Variants in MCM8 observed in about 807,000 individuals in gnomAD.
The protein encoded by MCM8 is DNA helicase MCM8.
In MCM8, 85 loss-of-function variants were observed where a neutral mutation model predicts 98.9. The observed-to-expected ratio is 0.86, with a 90% CI of 0.72 to 1.03. The LOEUF is 1.03. MCM8 is among the 50% of genes least tolerant of loss of function. MCM8 has a pLI of 0.00. For missense variants in MCM8, 951 were observed against 997.8 expected (o/e 0.95, Z 0.63); for synonymous variants, 352 against 338.6 (o/e 1.04, Z -0.44).
In MCM8 at chr20:5,973,105, A is replaced by G; in HGVS notation, c.1304A>G (p.Tyr435Cys). Residue 435 changes from tyrosine (Y) to cysteine (C), a missense_variant, in exon 12 of 19, where the codon TAC becomes TGC. By Grantham distance (194) the Tyr-to-Cys change is radical. Coordinates refer to ENST00000610722, the MANE Select transcript of MCM8 (RefSeq NM_032485.6). ...ALALFGGSQK[Y>C]ADDKNRIPIR... ...GCACTCTTTGGAGGAAGCCAGAAAT[A>G]CGCAGATGACAAAAACAGAATTCCA... 6.2e-7 allele frequency: 1 copy of G among 1,614,236 alleles called. No homozygotes were observed. Among genetic ancestry groups the G allele is most frequent in the Non-Finnish European group, 8.5e-7 (1 of 1,180,032 alleles).
At chr20:5,974,671 C>T (rs1186812330) in intron 12 of MCM8, among the ~76,000 whole-genome samples, 1 of 152,186 alleles carries the variant, frequency 6.6e-6, no homozygotes, top group African/African-American at 2.4e-5. Context: ...GTACAACAGT[C>T]CACAGATGAT....
At chr20:5,966,666 C>G (rs573081687) in intron 8 of MCM8, among the ~76,000 whole-genome samples, 1 of 152,230 alleles carries the variant, frequency 6.6e-6, no homozygotes, top group South Asian at 2.1e-4. Flanking sequence ...GTAGTTTTTT[C>G]TCACAAGACT....
intron 3 of MCM8, 33 bp from the exon 4 acceptor site, chr20:5,954,575 T>G (rs561848316): frequency 8.0e-7 from 1 of 1,253,322 alleles, no homozygotes; most frequent in East Asian, 2.3e-5. Context: ...ACCTGTGTGA[T>G]TATTTGTGCT....
At chr20:5,951,548 A>G (rs2088823929) in intron 1 of MCM8, among the ~76,000 whole-genome samples, 1 of 152,212 alleles carries the variant, frequency 6.6e-6, no homozygotes, top group South Asian at 2.1e-4. Flanking sequence ...CAAAAAATGG[A>G]TGTGACACTG....
intron 17 of MCM8, chr20:5,991,059 C>G (rs1339840231): frequency 6.6e-6 from 1 of 152,202 alleles, no homozygotes; most frequent in Non-Finnish European, 1.5e-5. Context: ...TGCTCCTTTT[C>G]TCTCTTAACC....
rs2089938862 is a variant in MCM8 at position 5,995,120 on chromosome 20, A to T, written c.*729A>T. On this transcript the variant is annotated 3_prime_UTR_variant, in exon 19 of 19. Transcript: ENST00000610722. ...GAATATATTACATATTCTGTGTTCC[A>T]ATAAAACTTTATTTATGGACACTAA... The T allele has an allele frequency of 6.6e-6, 1 of 152,470 alleles. No individual in the cohort carries two copies. 9.4% of individuals were successfully genotyped at this position (152,470 alleles called of 1,614,324 possible). A position where few individuals can be genotyped will look rare whatever the true frequency, so the allele number is the denominator to read the frequency against.
intron 8 of MCM8, 118 bp downstream of exon 8, chr20:5,963,477 G>T: frequency 1.6e-5 from 8 of 495,982 alleles, no homozygotes; most frequent in East Asian, 4.0e-5. Context: ...GTATAATAGT[G>T]TATAATAGAT....
intron 10 of MCM8, 130 bp from the exon 11 acceptor site, chr20:5,971,877 G>C: frequency 1.5e-6 from 1 of 674,590 alleles, no homozygotes; most frequent in South Asian, 2.1e-5. Context: ...TAAAATTTCA[G>C]TTGAGGGGAT....
Position 5,984,903 on chromosome 20 carries a change from C to T in MCM8, c.1856C>T (p.Thr619Ile), listed in dbSNP as rs143580579. 1.9e-4 allele frequency: 308 copies of T among 1,614,062 alleles called. No homozygotes were observed. The highest frequency in any genetic ancestry group is 2.5e-4 in the Non-Finnish European group (293 of 1,179,990). The change falls in exon 15 of 19, where the codon ACC (threonine) becomes ATC (isoleucine). Residue 619 changes from threonine (T) to isoleucine (I), a missense_variant. Transcript: ENST00000610722. Reference protein sequence around the residue: ...VIAIRAGKQRTISSATVARMN... With the variant: ...VIAIRAGKQRIISSATVARMN... ...GCAATAAGAGCTGGAAAGCAGAGAA[C>T]CATTAGCAGTGCCACAGTAGCTCGT...
At chr20:5,952,638 A>G (rs2088864115) in intron 3 of MCM8, 110 bp downstream of exon 3, 2 of 869,162 alleles carry the variant, frequency 2.3e-6, no homozygotes, top group Non-Finnish European at 1.8e-6. Context: ...TACCTGCTTT[A>G]ATCTTAGTTC....
chr20:5,950,824 G>T lies in MCM8; in HGVS notation c.-205G>T, dbSNP rs113221796. 1.0e-3 allele frequency: 154 copies of T among 154,768 alleles called. No individual in the cohort carries two copies. The highest frequency in any genetic ancestry group is 3.7e-3 in the African/African-American group (152 of 41,642). 9.6% of individuals were successfully genotyped at this position (154,768 alleles called of 1,614,324 possible). A position where few individuals can be genotyped will look rare whatever the true frequency, so the allele number is the denominator to read the frequency against. ...CAGATGGGGTTCAGCACCGCGCGGGGACGACAGGAAAGCTGCGGCTGAAGA... is the reference window on the plus strand; with the variant it reads ...CAGATGGGGTTCAGCACCGCGCGGGTACGACAGGAAAGCTGCGGCTGAAGA... On this transcript the variant is annotated 5_prime_UTR_variant, in exon 1 of 19. Coordinates refer to ENST00000610722, the MANE Select transcript of MCM8 (RefSeq NM_032485.6).
intron 9 of MCM8, 55 bp downstream of exon 9, chr20:5,967,642 A>G: frequency 6.5e-7 from 1 of 1,548,366 alleles, no homozygotes; most frequent in Admixed American, 1.9e-5. Flanking sequence ...ATCAACGTTC[A>G]TCTTTTCTAA....
At position 5,994,675 on chromosome 20, in the gene MCM8, G is replaced by A; in HGVS notation, c.*284G>A. ...GTGACTCAGGAGGCTGAGGTGAGAG[G>A]ATTCCTTGAGGCCAGGGTTCGAGAC... On this transcript the variant is annotated 3_prime_UTR_variant, in exon 19 of 19. Transcript: ENST00000610722. The A allele has an allele frequency of 2.1e-6, 1 of 475,132 alleles. No individual in the cohort carries two copies. The highest frequency in any genetic ancestry group is 1.7e-5 in the South Asian group (1 of 58,794). The allele number at this position is 475,132 out of a possible 1,614,324, so 29.4% of individuals were successfully genotyped here. A position where few individuals can be genotyped will look rare whatever the true frequency, so the allele number is the denominator to read the frequency against.
At chr20:5,985,460 G>A (rs962304358) in intron 15 of MCM8, among the ~76,000 whole-genome samples, 3 of 147,446 alleles carry the variant, frequency 2.0e-5, no homozygotes, top group Admixed American at 2.0e-4. Flanking sequence ...AAAAAAAAAG[G>A]AATCTAAGTC....
In MCM8 at chr20:5,977,861, T is replaced by C. The variant is rs776226946; in HGVS notation, c.1396-15T>C. On this transcript the variant is annotated splice_polypyrimidine_tract_variant and intron_variant, in intron 12 of 18. Transcript: ENST00000610722. ...TTTACTTTGGATGATTCTCTTAAAC[T>C]TTTTGTTTCCTTAGGCAGCGTGCAA... 1 of 1,611,984 alleles carries C rather than the reference T, an allele frequency of 6.2e-7. No individual in the cohort carries two copies. The highest frequency in any genetic ancestry group is 1.7e-5 in the Admixed American group (1 of 59,702).
At chr20:5,963,650 C>T (rs1272642258) in intron 8 of MCM8, among the ~76,000 whole-genome samples, 5 of 151,566 alleles carry the variant, frequency 3.3e-5, no homozygotes, top group Admixed American at 6.6e-5. Context: ...GCCTCAGCCT[C>T]CTGAGTAGCT....
intron 13 of MCM8, among the ~76,000 whole-genome samples, chr20:5,978,325 AT>A (rs11476344): frequency 0.39 from 59,945 of 151,944 alleles, 14,172 homozygotes; most frequent in Non-Finnish European, 0.51. Flanking sequence ...ATTTGTGATC[AT>A]TTTTTTTAAA....
rs948773348 is a variant in MCM8, at chr20:5,996,481, A to T, written c.*2090A>T. 3 of 152,138 alleles carry T rather than the reference A, an allele frequency of 2.0e-5. No individual in the cohort carries two copies. The highest frequency in any genetic ancestry group is 7.2e-5 in the African/African-American group (3 of 41,410). The allele number at this position is 152,138 out of a possible 1,614,324, so 9.4% of individuals were successfully genotyped here. ...CAGTGAGCCAAGATCGTACCACTGCACTCCAGCCTGGGCAACAGAGTGAGA... is the reference window on the plus strand; with the variant it reads ...CAGTGAGCCAAGATCGTACCACTGCTCTCCAGCCTGGGCAACAGAGTGAGA... On this transcript the variant is annotated 3_prime_UTR_variant, in exon 19 of 19. Transcript: ENST00000610722.
intron 8 of MCM8, among the ~76,000 whole-genome samples, chr20:5,966,638 T>C (rs576817658): frequency 5.4e-4 from 82 of 152,346 alleles, no homozygotes; most frequent in Non-Finnish European, 6.2e-4. Context: ...ATAGGTTTCC[T>C]TTGCAATTTT....
Sources: gnomAD v4.1 joint callset for allele counts (sites outside exome capture counted in the v4.1 genomes callset) on GRCh38, gnomAD v4.1.1 for gene constraint, MANE v1.5 for transcripts, NCBI Gene and HGNC (gene_info 2026-07-23, HGNC 2026-07-21) for gene names.